CBLN2: variants seen among roughly 807,000 people sequenced by gnomAD.
CBLN2 encodes the protein cerebellin-2.
Under a neutral mutation model 15.0 loss-of-function variants are expected in CBLN2, and 7 were observed. The observed-to-expected ratio is 0.47, with a 90% CI of 0.27 to 0.88. The LOEUF is 0.88. Ranked by LOEUF, CBLN2 falls within the 40% of genes least tolerant of loss-of-function variation. The probability of loss-of-function intolerance (pLI) is 0.14; values close to 1 mark genes in which losing one functional copy is unlikely to be tolerated. For missense variants in CBLN2, 242 were observed against 304.5 expected, an observed-to-expected ratio of 0.79 and a Z score of 1.53; for synonymous variants, 149 against 135.2, an observed-to-expected ratio of 1.10 and a Z score of -0.71.
intron 1 of CBLN2, among the ~76,000 whole-genome samples, chr18:72,596,952 T>A (rs1313184142): frequency 1.3e-5 from 2 of 152,234 alleles, no homozygotes; most frequent in Non-Finnish European, 2.9e-5. Context: ...AATGTTGATA[T>A]CTTTCTCTAG....
chr18:72,608,054 G>A (rs1410237769), intron 1 of CBLN2, among the ~76,000 whole-genome samples: 1 of 152,084 alleles, frequency 6.6e-6, no homozygotes, highest in Non-Finnish European at 1.5e-5. Context: ...TCATATATCT[G>A]TAAGGTTTTT....
chr18:72,617,284 T>G (rs1043188119), intron 1 of CBLN2, among the ~76,000 whole-genome samples: 2 of 152,278 alleles, frequency 1.3e-5, no homozygotes, highest in African/African-American at 4.8e-5. Context: ...TTATTCTCCT[T>G]GGGTATGCTC....
chr18:72,571,317 G>C (rs2069330972), intron 1 of CBLN2, among the ~76,000 whole-genome samples: 1 of 152,042 alleles, frequency 6.6e-6, no homozygotes, highest in East Asian at 1.9e-4. Flanking sequence ...AAAGTGATTG[G>C]ACAGTTCTTC....
At chr18:72,562,126 A>G (rs2069265419) in intron 1 of CBLN2, among the ~76,000 whole-genome samples, 1 of 152,178 alleles carries the variant, frequency 6.6e-6, no homozygotes, top group South Asian at 2.1e-4. Flanking sequence ...TTCATTTACA[A>G]CAGATGACAG....
At chr18:72,569,840 C>G (rs1330091773) in intron 1 of CBLN2, among the ~76,000 whole-genome samples, 1 of 152,144 alleles carries the variant, frequency 6.6e-6, no homozygotes, top group East Asian at 1.9e-4. Flanking sequence ...CCAACACATC[C>G]AACACTGGGG....
chr18:72,625,828 A>C (rs1413941323), intron 1 of CBLN2, among the ~76,000 whole-genome samples: 32 of 140,516 alleles, frequency 2.3e-4, no homozygotes, highest in East Asian at 8.3e-4. Flanking sequence ...CTATATATAT[A>C]TATATATATA....
chr18:72,554,948 C>T (rs969999696), intron 1 of CBLN2, among the ~76,000 whole-genome samples: 9 of 152,060 alleles, frequency 5.9e-5, no homozygotes, highest in African/African-American at 2.2e-4. Context: ...CCAGCCTAGC[C>T]AACATGGTGA....
intron 1 of CBLN2, among the ~76,000 whole-genome samples, chr18:72,585,706 C>G (rs2069438076): frequency 6.6e-6 from 1 of 152,220 alleles, no homozygotes. Flanking sequence ...AGAAGCCTGT[C>G]TGCCTCCTGC....
chr18:72,592,463 G>A (rs2069486212), intron 1 of CBLN2, among the ~76,000 whole-genome samples: 1 of 151,732 alleles, frequency 6.6e-6, no homozygotes, highest in Non-Finnish European at 1.5e-5. Context: ...TCTGTTGATT[G>A]TTTCCTATGT....
upstream of CBLN2, among the ~76,000 whole-genome samples, chr18:72,549,038 GTCT>G (rs2069176171): frequency 6.6e-6 from 1 of 151,348 alleles, no homozygotes; most frequent in Non-Finnish European, 1.5e-5. Context: ...TTTTAATGGA[GTCT>G]TGCTCTGTCA....
At chr18:72,598,712 C>T (rs1423511688) in intron 1 of CBLN2, among the ~76,000 whole-genome samples, 2 of 152,192 alleles carry the variant, frequency 1.3e-5, no homozygotes, top group Non-Finnish European at 2.9e-5. Flanking sequence ...TGGCAGGGTG[C>T]TCTAACTCAG....
intron 1 of CBLN2, among the ~76,000 whole-genome samples, chr18:72,579,091 GC>G (rs1177410976): frequency 6.6e-6 from 1 of 152,084 alleles, no homozygotes; most frequent in Admixed American, 6.6e-5. Context: ...TCTATTTGTT[GC>G]TTTTGAGTAA....
In CBLN2 at chr18:72,583,380, C is replaced by T. The variant is rs139574094; in HGVS notation, c.16-44608G>A. On this transcript the variant is annotated intron_variant, in intron 1 of 2. Transcript: ENST00000581073. ...TAGAGCAGAGCCTGTTATTCCCTCT[C>T]ACCCACGCCCAGTCCCTCCTTGCAA... 2.4e-3 allele frequency among the ~76,000 whole-genome samples: 368 copies of T among 152,250 alleles called. 2 individuals are homozygous for T. The highest frequency in any genetic ancestry group is 8.4e-3 in the African/African-American group (351 of 41,552).
rs1640625341 is a variant in CBLN2 at position 72,542,194 on chromosome 18, G to GGCCGGC, written c.-40_-35dup. ...GTGGGAGGCGGCGCGCGGGGGTGGA[G>GGCCGGC]GCCGGCGCCGGCGCGAGCGGCGCGG... On this transcript the variant is annotated 5_prime_UTR_variant, in exon 3 of 5. Transcript: ENST00000269503. 3 of 1,183,488 alleles carry GGCCGGC rather than the reference G, an allele frequency of 2.5e-6. No homozygotes were observed. The highest frequency in any genetic ancestry group is 7.7e-5 in the East Asian group (2 of 25,968). The allele number at this position is 1,183,488 out of a possible 1,614,324, so 73.3% of individuals were successfully genotyped here. A position where few individuals can be genotyped will look rare whatever the true frequency, so the allele number is the denominator to read the frequency against.
chr18:72,539,084 G>A (rs113809351), intron 3 of CBLN2: 23 of 273,716 alleles, frequency 8.4e-5, no homozygotes, highest in African/African-American at 1.5e-4. Flanking sequence ...GAAAGGAATC[G>A]AAGATGGTAA....
chr18:72,586,591 C>T (rs752396700), intron 1 of CBLN2, among the ~76,000 whole-genome samples: 76 of 152,140 alleles, frequency 5.0e-4, no homozygotes, highest in Admixed American at 3.9e-3. Context: ...AATTCATGAA[C>T]GGTTAAGCAT....
At chr18:72,623,971 C>T (rs2069717631) in intron 1 of CBLN2, among the ~76,000 whole-genome samples, 2 of 152,146 alleles carry the variant, frequency 1.3e-5, no homozygotes, top group Admixed American at 1.3e-4. Flanking sequence ...CTAAAGTCAC[C>T]TGGGACCTTC....
chr18:72,582,125 C>A (rs543025158), intron 1 of CBLN2, among the ~76,000 whole-genome samples: 1 of 152,324 alleles, frequency 6.6e-6, no homozygotes, highest in East Asian at 1.9e-4. Context: ...TGCATCAGAA[C>A]CATATGCTTT....
At chr18:72,599,334 T>A (rs1428238019) in intron 1 of CBLN2, among the ~76,000 whole-genome samples, 1 of 152,192 alleles carries the variant, frequency 6.6e-6, no homozygotes, top group Non-Finnish European at 1.5e-5. Flanking sequence ...GAGTTAAAAC[T>A]TTTCAACAGA....
Sources: allele counts gnomAD v4.1 joint callset (sites outside exome capture counted in the v4.1 genomes callset), GRCh38; gene constraint gnomAD v4.1.1; transcripts MANE v1.5; gene names NCBI Gene and HGNC (gene_info 2026-07-23, HGNC 2026-07-21).